LRRFIP1: variants seen among roughly 807,000 people sequenced by gnomAD.
LRRFIP1 encodes leucine-rich repeat flightless-interacting protein 1.
LRRFIP1 carries 62 observed loss-of-function variants against 104.4 expected under a neutral mutation model. The observed-to-expected ratio is 0.59, with a 90% confidence interval of 0.48 to 0.73. The LOEUF (loss-of-function observed/expected upper bound fraction) is 0.73. Ranked by LOEUF, LRRFIP1 falls within the 30% of genes least tolerant of loss-of-function variation. LRRFIP1 has a pLI of 0.00. For missense variants in LRRFIP1, 796 were observed against 824.5 expected (o/e 0.97, Z 0.42); for synonymous variants, 300 against 299.0 (o/e 1.00, Z -0.03).
At chr2:237,778,231 G>T (rs1021396103) in intron 23 of LRRFIP1, among the ~76,000 whole-genome samples, 26 of 152,172 alleles carry the variant, frequency 1.7e-4, no homozygotes, top group African/African-American at 6.3e-4. Context: ...TGCAAAAAGG[G>T]CTTGCTTCTG....
At chr2:237,778,455 T>C (rs2061276620) in intron 23 of LRRFIP1, among the ~76,000 whole-genome samples, 1 of 152,190 alleles carries the variant, frequency 6.6e-6, no homozygotes, top group Non-Finnish European at 1.5e-5. Context: ...TCTGCCTGAC[T>C]CTCAGGCTCC....
intron 1 of LRRFIP1, among the ~76,000 whole-genome samples, chr2:237,665,678 A>G (rs553207763): frequency 6.6e-6 from 1 of 152,348 alleles, no homozygotes; most frequent in South Asian, 2.1e-4. Flanking sequence ...TTATGTAGGG[A>G]GAGTGTGTTA....
intron 2 of LRRFIP1, among the ~76,000 whole-genome samples, chr2:237,710,051 C>G (rs765539475): frequency 4.0e-5 from 6 of 151,632 alleles, no homozygotes; most frequent in Admixed American, 1.3e-4. Flanking sequence ...CGGGGTTTCA[C>G]CATGTTGGCC....
At chr2:237,692,252 C>T in intron 1 of LRRFIP1, 1 of 1,140,090 alleles carries the variant, frequency 8.8e-7, no homozygotes, top group South Asian at 4.4e-5. Context: ...CTGCGCCCCG[C>T]CCCTGTCGGC....
At chr2:237,764,020 A>G (rs143445080) in intron 19 of LRRFIP1, 14 of 1,614,270 alleles carry the variant, frequency 8.7e-6, no homozygotes, top group Non-Finnish European at 1.1e-5. Context: ...GCAATAGCCT[A>G]GAGAACGATG....
intron 13 of LRRFIP1, among the ~76,000 whole-genome samples, chr2:237,750,508 T>C (rs13396497): frequency 0.01 from 1,560 of 152,084 alleles, 35 homozygotes; most frequent in African/African-American, 0.035. Flanking sequence ...GGCTAACTTT[T>C]GTATTTTTAG....
intron 1 of LRRFIP1, among the ~76,000 whole-genome samples, chr2:237,647,051 G>T (rs1469638445): frequency 6.6e-6 from 1 of 151,972 alleles, no homozygotes; most frequent in Non-Finnish European, 1.5e-5. Context: ...ATGGTTTGTT[G>T]TAAACTTCCC....
At chr2:237,690,288 A>G (rs1565854) in intron 1 of LRRFIP1, among the ~76,000 whole-genome samples, 32,907 of 152,062 alleles carry the variant, frequency 0.22, 3,748 homozygotes, top group South Asian at 0.31. Flanking sequence ...AATATTCAAA[A>G]TCAAGTCTCA....
At chr2:237,746,950 G>T (rs2057953259) in intron 11 of LRRFIP1, among the ~76,000 whole-genome samples, 1 of 152,242 alleles carries the variant, frequency 6.6e-6, no homozygotes, top group Non-Finnish European at 1.5e-5. Flanking sequence ...CATCCCACTG[G>T]CCTGAGGGAT....
chr2:237,689,469 C>T (rs747087786), intron 1 of LRRFIP1, among the ~76,000 whole-genome samples: 1 of 152,162 alleles, frequency 6.6e-6, no homozygotes, highest in Admixed American at 6.5e-5. Flanking sequence ...AATCAGAAAC[C>T]AGCCATTATT....
intron 16 of LRRFIP1, among the ~76,000 whole-genome samples, chr2:237,756,472 T>C (rs191997445): frequency 1.3e-5 from 2 of 152,330 alleles, no homozygotes; most frequent in Admixed American, 1.3e-4. Context: ...ATAAGGACAC[T>C]AATCCTATTT....
chr2:237,668,138 C>G (rs759955595), intron 1 of LRRFIP1, among the ~76,000 whole-genome samples: 6 of 152,128 alleles, frequency 3.9e-5, no homozygotes, highest in Non-Finnish European at 7.4e-5. Context: ...GGGGCTCCCC[C>G]GAGCTTGTTC....
rs571061359 is a variant in LRRFIP1 at position 237,717,019 on chromosome 2, A to ATTT, written c.202-733_202-731dup. On this transcript the variant is annotated intron_variant, in intron 3 of 23. Coordinates refer to ENST00000308482, the MANE Select transcript of LRRFIP1 (RefSeq NM_001137550.2). This position sits in a 1 kb window ranked among gnomAD's most constrained non-coding sequence, Gnocchi z 4.2. ...AAAACATTATGAAATTTTTTTTGCA[A>ATTT]TTTTTTTTTTTTAGCTTATCAGCTA... 2.0e-5 allele frequency among the ~76,000 whole-genome samples: 3 copies of ATTT among 147,546 alleles called. No homozygotes were observed. Among genetic ancestry groups the ATTT allele is most frequent in the African/African-American group, 7.4e-5 (3 of 40,632 alleles).
chr2:237,688,390 C>G (rs970287234), intron 1 of LRRFIP1, among the ~76,000 whole-genome samples: 2 of 151,652 alleles, frequency 1.3e-5, no homozygotes, highest in Non-Finnish European at 2.9e-5. Context: ...GACCTCTCAG[C>G]TCTTTAGTTA....
At chr2:237,710,441 G>A (rs1019289522) in intron 2 of LRRFIP1, among the ~76,000 whole-genome samples, 5 of 151,910 alleles carry the variant, frequency 3.3e-5, no homozygotes, top group African/African-American at 1.2e-4. Context: ...CCGCCACCAT[G>A]CCCGGCTAAT....
intron 9 of LRRFIP1, 26 bp downstream of exon 9, chr2:237,733,844 C>T: frequency 3.1e-6 from 5 of 1,613,520 alleles, no homozygotes; most frequent in Non-Finnish European, 4.2e-6. Context: ...ACCCTGCTGC[C>T]CCGCACCCCC....
At chr2:237,707,713 A>G (rs2093884167) in intron 1 of LRRFIP1, among the ~76,000 whole-genome samples, 1 of 152,222 alleles carries the variant, frequency 6.6e-6, no homozygotes, top group African/African-American at 2.4e-5. Flanking sequence ...TTGTTTGTAG[A>G]AACAGTTCAG....
At chr2:237,757,754 G>A (rs118176893) in intron 17 of LRRFIP1, among the ~76,000 whole-genome samples, 287 of 152,114 alleles carry the variant, frequency 1.9e-3, no homozygotes, top group Middle Eastern at 6.8e-3. Context: ...ATTGTGACAC[G>A]GACTCTCCAT....
rs573198513 is a variant in LRRFIP1, at chr2:237,760,880, T to G, written c.1459+675T>G. Among the ~76,000 whole-genome samples, 5 of 152,284 alleles carry G rather than the reference T, an allele frequency of 3.3e-5. No homozygotes were observed. The South Asian group carries it at 1.0e-3, about 32-fold the overall frequency. On this transcript the variant is annotated intron_variant, in intron 19 of 23. Transcript: ENST00000308482. ...ATATAAAACTGGGGAATCCAGTAGA[T>G]CAGAGGAATATTTTATACCATTTTC... is the stretch of plus-strand genomic sequence containing the variant.
Sources: allele counts gnomAD v4.1 joint callset (sites outside exome capture counted in the v4.1 genomes callset), GRCh38; gene constraint gnomAD v4.1.1; non-coding constraint Gnocchi (gnomAD v3.1); transcripts MANE v1.5; gene names NCBI Gene and HGNC (gene_info 2026-07-23, HGNC 2026-07-21).